The following PUM2 variants were observed in gnomAD, a reference collection of about 807,000 sequenced individuals.
PUM2 encodes pumilio RNA binding family member 2, also known as pumilio homolog 2.
Under a neutral mutation model 124.5 loss-of-function variants are expected in PUM2, and 57 were observed. That is an observed-to-expected ratio of 0.46 (90% CI 0.37 to 0.57). The LOEUF (loss-of-function observed/expected upper bound fraction) is 0.57. PUM2 is among the 20% of genes least tolerant of loss of function. PUM2 has a pLI of 0.00. For missense variants in PUM2, 1,065 were observed against 1,290.6 expected (o/e 0.83, Z 2.68); for synonymous variants, 460 against 446.1 (o/e 1.03, Z -0.39).
chr2:20,263,602 G>A (rs1369533627), intron 13 of PUM2, 142 bp from the exon 14 acceptor site: 3 of 1,027,484 alleles, frequency 2.9e-6, no homozygotes, highest in Non-Finnish European at 2.8e-6. Context: ...ATTAAAATTG[G>A]GAGGGGAAAA....
chr2:20,314,810 T>C (rs915473192), intron 3 of PUM2, among the ~76,000 whole-genome samples: 1 of 152,072 alleles, frequency 6.6e-6, no homozygotes, highest in Non-Finnish European at 1.5e-5. Flanking sequence ...GAGCTATACA[T>C]GAGGAATCCG....
At chr2:20,303,359 C>T (rs1677446370) in intron 7 of PUM2, among the ~76,000 whole-genome samples, 1 of 151,686 alleles carries the variant, frequency 6.6e-6, no homozygotes, top group African/African-American at 2.4e-5. Flanking sequence ...TAGCCATAGG[C>T]CACTGCACTC....
chr2:20,249,838 T>G lies in PUM2; in HGVS notation c.*1747A>C, dbSNP rs1303449269. 6.6e-6 allele frequency: 1 copy of G among 152,580 alleles called. No individual in the cohort carries two copies. The highest frequency in any genetic ancestry group is 2.4e-5 in the African/African-American group (1 of 41,398). 9.5% of individuals were successfully genotyped at this position (152,580 alleles called of 1,614,324 possible). A position where few individuals can be genotyped will look rare whatever the true frequency, so the allele number is the denominator to read the frequency against. On this transcript the variant is annotated 3_prime_UTR_variant, in exon 21 of 21. Coordinates refer to ENST00000361078, the MANE Select transcript of PUM2 (RefSeq NM_015317.5). ...CAGAAACTGAATATACACAGCAAGTTTTTTTCCAAAATATTTTCATAGGCA... is the reference window on the plus strand; with the variant it reads ...CAGAAACTGAATATACACAGCAAGTGTTTTTCCAAAATATTTTCATAGGCA...
In PUM2 at chr2:20,291,725, C is replaced by T. The variant is rs138992191; in HGVS notation, c.1153-935G>A. Reference sequence around the variant, plus strand: ...GTTTTAACTGCTGTATCCTTACATCCTTTTCATGTCTTTTATTGCCTCACA... The same window carrying T: ...GTTTTAACTGCTGTATCCTTACATCTTTTTCATGTCTTTTATTGCCTCACA... On this transcript the variant is annotated intron_variant, in intron 9 of 20. Coordinates refer to ENST00000361078, the MANE Select transcript of PUM2 (RefSeq NM_015317.5). 2.0e-5 allele frequency among the ~76,000 whole-genome samples: 3 copies of T among 152,174 alleles called. No individual in the cohort carries two copies. In the East Asian group the frequency reaches 5.8e-4, roughly 29 times the overall value.
chr2:20,278,522 C>A (rs1469696575), intron 13 of PUM2, 61 bp downstream of exon 13: 3 of 1,312,490 alleles, frequency 2.3e-6, no homozygotes, highest in Non-Finnish European at 3.2e-6. Flanking sequence ...ATTATAAACA[C>A]ACACACAAAC....
At position 20,269,295 on chromosome 2, in the gene PUM2, G is replaced by A. The variant is rs188778275; in HGVS notation, c.1958-5835C>T. Among the ~76,000 whole-genome samples, 28 of 152,170 alleles carry A rather than the reference G, an allele frequency of 1.8e-4. No homozygotes were observed. In the East Asian group the frequency reaches 4.8e-3, roughly 26 times the overall value. On this transcript the variant is annotated intron_variant, in intron 13 of 20. Transcript: ENST00000361078. ...AGCTTACTGCAAGCTCCGCCTCCCA[G>A]GTTCACGCCATTCTCCTGCCTCAGC...
In PUM2 at chr2:20,251,327, T is replaced by A. The variant is rs1350404483; in HGVS notation, c.*258A>T. ...TTATTTTTGATACAGTTACATCATATACAGGCATTCTGTGCTTTGCCAGCA... is the reference window on the plus strand; with the variant it reads ...TTATTTTTGATACAGTTACATCATAAACAGGCATTCTGTGCTTTGCCAGCA... On this transcript the variant is annotated 3_prime_UTR_variant, in exon 21 of 21. Coordinates refer to ENST00000361078, the MANE Select transcript of PUM2 (RefSeq NM_015317.5). 9.6e-6 allele frequency: 3 copies of A among 312,052 alleles called. No homozygotes were observed. The highest frequency in any genetic ancestry group is 2.2e-5 in the African/African-American group (1 of 46,508). 19.3% of individuals were successfully genotyped at this position (312,052 alleles called of 1,614,324 possible). A position where few individuals can be genotyped will look rare whatever the true frequency, so the allele number is the denominator to read the frequency against.
intron 1 of PUM2, among the ~76,000 whole-genome samples, chr2:20,328,600 A>G (rs1476426671): frequency 6.6e-6 from 1 of 152,226 alleles, no homozygotes; most frequent in Non-Finnish European, 1.5e-5. Context: ...GCTCCTAAGG[A>G]ATGAACAAAT....
At chr2:20,314,625 CA>C (rs1680436475) in intron 3 of PUM2, among the ~76,000 whole-genome samples, 1 of 152,178 alleles carries the variant, frequency 6.6e-6, no homozygotes, top group African/African-American at 2.4e-5. Flanking sequence ...AGCCAGTTAT[CA>C]TTTTATTAAC....
At chr2:20,291,505 G>T (rs1257766569) in intron 9 of PUM2, among the ~76,000 whole-genome samples, 1 of 152,196 alleles carries the variant, frequency 6.6e-6, no homozygotes, top group Non-Finnish European at 1.5e-5. Context: ...CTTGAGAAGA[G>T]AATGTTGAAC....
At chr2:20,255,103 C>G (rs1190590813) in intron 18 of PUM2, 113 bp downstream of exon 18, 5 of 1,460,068 alleles carry the variant, frequency 3.4e-6, no homozygotes, top group Non-Finnish European at 3.7e-6. Flanking sequence ...AATACAACAG[C>G]CTTTTGTCTC....
Position 20,250,943 on chromosome 2 carries a change from T to C in PUM2, c.*642A>G, listed in dbSNP as rs1663150701. 1.3e-5 allele frequency: 2 copies of C among 152,624 alleles called. No homozygotes were observed. The highest frequency in any genetic ancestry group is 2.9e-5 in the Non-Finnish European group (2 of 68,014). 9.5% of individuals were successfully genotyped at this position (152,624 alleles called of 1,614,324 possible). ...CAGAGACATTTTAGGGCAGTAATTG[T>C]ATTAAAACCACATCTACTGTAAATA... On this transcript the variant is annotated 3_prime_UTR_variant, in exon 21 of 21. Coordinates refer to ENST00000361078, the MANE Select transcript of PUM2 (RefSeq NM_015317.5).
In PUM2 at chr2:20,253,979, C is replaced by A. The variant is rs768136363; in HGVS notation, c.2906G>T (p.Arg969Leu). The A allele has an allele frequency of 6.2e-7, 1 of 1,613,730 alleles. No individual in the cohort carries two copies. The highest frequency in any genetic ancestry group is 8.5e-7 in the Non-Finnish European group (1 of 1,179,908). ...GTCAATCAGTAAAGCTCTCTCAGCA[C>A]GGGAGGCATGAGTAACACACTTTTC... ...VVEKCVTHAS[R>L]AERALLIDEV... Residue 969 changes from arginine (R) to leucine (L), a missense_variant, in exon 20 of 21, where the codon CGT becomes CTT. Physicochemically the swap from Arg to Leu is moderately radical, Grantham distance 102. Around this residue, in one of 3 missense-constraint regions of PUM2, gnomAD observed 968 missense variants for 1,159.8 expected, o/e 0.83. Transcript: ENST00000361078.
intron 7 of PUM2, among the ~76,000 whole-genome samples, chr2:20,307,042 C>T (rs1051171356): frequency 1.3e-5 from 2 of 151,894 alleles, no homozygotes; most frequent in African/African-American, 4.8e-5. Context: ...TGGTAAAACC[C>T]CCGTCTCTAC....
chr2:20,257,118 C>T (rs148519340), intron 16 of PUM2, among the ~76,000 whole-genome samples: 1 of 140,208 alleles, frequency 7.1e-6, no homozygotes, highest in African/African-American at 2.7e-5. Context: ...TCAACAAAGA[C>T]TTACTGCTAA....
At chr2:20,279,872 C>T (rs72787409) in intron 12 of PUM2, among the ~76,000 whole-genome samples, 44,661 of 152,004 alleles carry the variant, frequency 0.29, 6,792 homozygotes, top group Middle Eastern at 0.36. Flanking sequence ...AGTACGTTTC[C>T]TTCCTATTTC....
At chr2:20,351,014 C>T (rs946540823), upstream of PUM2, among the ~76,000 whole-genome samples, 1 of 152,112 alleles carries the variant, frequency 6.6e-6, no homozygotes, top group Admixed American at 6.5e-5. Flanking sequence ...ACGTGTTTGG[C>T]CGCCTCTCCG....
chr2:20,255,034 G>A (rs749157846), intron 18 of PUM2, 50 bp from the exon 19 acceptor site: 2 of 1,566,700 alleles, frequency 1.3e-6, no homozygotes, highest in Admixed American at 3.6e-5. Flanking sequence ...CCTTAAGAAT[G>A]ATATTCTTTA....
Position 20,297,692 on chromosome 2 carries a change from G to A in PUM2, c.884-14C>T. On this transcript the variant is annotated splice_polypyrimidine_tract_variant and intron_variant, in intron 7 of 20. Transcript: ENST00000361078. ...AGAATACACCAGCTATATTTTAAAAGGGGAGAAATAATAAACAACAATGTA... is the reference window on the plus strand; with the variant it reads ...AGAATACACCAGCTATATTTTAAAAAGGGAGAAATAATAAACAACAATGTA... 6.2e-7 allele frequency: 1 copy of A among 1,603,116 alleles called. No individual in the cohort carries two copies. The highest frequency in any genetic ancestry group is 8.5e-7 in the Non-Finnish European group (1 of 1,174,818).
Sources: allele counts gnomAD v4.1 joint callset (sites outside exome capture counted in the v4.1 genomes callset), GRCh38; gene constraint gnomAD v4.1.1; regional missense constraint gnomAD v4.1.1; transcripts MANE v1.5; gene names NCBI Gene and HGNC (gene_info 2026-07-23, HGNC 2026-07-21).